The following RASA3 variants were observed in gnomAD, a reference collection of about 807,000 sequenced individuals.
RASA3 encodes the protein ras GTPase-activating protein 3.
A neutral mutation model predicts 110.0 loss-of-function variants in RASA3; 73 were observed. The observed-to-expected ratio is 0.66, with a 90% CI of 0.55 to 0.81. The LOEUF is 0.81. RASA3 is among the 30% of genes least tolerant of loss of function. The pLI is 0.00. For missense variants in RASA3, 976 were observed against 1,113.2 expected, an observed-to-expected ratio of 0.88 and a Z score of 1.75; for synonymous variants, 500 against 451.4, an observed-to-expected ratio of 1.11 and a Z score of -1.37.
chr13:114,020,782 C>G (rs2053909947), intron 9 of RASA3, among the ~76,000 whole-genome samples: 1 of 152,206 alleles, frequency 6.6e-6, no homozygotes, highest in Non-Finnish European at 1.5e-5. Flanking sequence ...CCACTGAGGT[C>G]TAGACGTGCA....
Position 114,000,819 on chromosome 13 carries a change from T to C in RASA3, c.1849+7A>G. On this transcript the variant is annotated splice_region_variant and intron_variant, in intron 19 of 23. Coordinates refer to ENST00000334062, the MANE Select transcript of RASA3 (RefSeq NM_007368.4). ...CAAGAGCCAGGGAAAGCGACCTTGC[T>C]CCTTACCTTTGCTTTTGTGGTAGGT... 1 of 1,593,130 alleles carries C rather than the reference T, an allele frequency of 6.3e-7. No individual in the cohort carries two copies. Among genetic ancestry groups the C allele is most frequent in the Non-Finnish European group, 8.6e-7 (1 of 1,161,060 alleles).
Position 114,114,854 on chromosome 13 carries a change from TC to T in RASA3, c.55+17580del, listed in dbSNP as rs2080257663. Among the ~76,000 whole-genome samples, 1 of 152,100 alleles carries T rather than the reference TC, an allele frequency of 6.6e-6. No homozygotes were observed. Among genetic ancestry groups the T allele is most frequent in the Non-Finnish European group, 1.5e-5 (1 of 68,000 alleles). ...GACCAACAGTGGAAAGACCCATAGC[TC>T]CCAGCTCCAGGGACGACGCGGGGGT... On this transcript the variant is annotated intron_variant, in intron 1 of 23. Coordinates refer to ENST00000334062, the MANE Select transcript of RASA3 (RefSeq NM_007368.4). This position sits in a 1 kb window ranked among gnomAD's most constrained non-coding sequence, Gnocchi z 4.8.
At chr13:114,009,291 C>T (rs1566471567) in intron 17 of RASA3, 96 bp downstream of exon 17, 1 of 1,014,858 alleles carries the variant, frequency 9.9e-7, no homozygotes, top group Non-Finnish European at 1.5e-6. Context: ...CGCTAATGGC[C>T]AAGTCTGTGT....
In RASA3 at chr13:114,114,337, T is replaced by G. The variant is rs528248922; in HGVS notation, c.55+18098A>C. Among the ~76,000 whole-genome samples the G allele has an allele frequency of 5.9e-5, 9 of 152,358 alleles. No individual in the cohort carries two copies. Among genetic ancestry groups the G allele is most frequent in the African/African-American group, 2.2e-4 (9 of 41,582 alleles). ...TCTGGATTTCCTGGGGTTTCCTTTA[T>G]TAGACTTGAGTCCAGAACTCCTCTA... On this transcript the variant is annotated intron_variant, in intron 1 of 23. Coordinates refer to ENST00000334062, the MANE Select transcript of RASA3 (RefSeq NM_007368.4). The surrounding 1 kb of genome is among the most constrained non-coding windows in gnomAD (Gnocchi z 4.8).
intron 8 of RASA3, 63 bp downstream of exon 8, chr13:114,024,216 A>G (rs761928511): frequency 2.8e-6 from 4 of 1,451,440 alleles, no homozygotes; most frequent in Non-Finnish European, 3.9e-6. Context: ...AACAAAGAAC[A>G]AAAGAGCTGA....
intron 4 of RASA3, among the ~76,000 whole-genome samples, chr13:114,034,747 G>GC (rs1463249253): frequency 1.2e-4 from 19 of 152,344 alleles, no homozygotes; most frequent in African/African-American, 4.6e-4. Context: ...ATCAGAGAAC[G>GC]CAAGACAAAT....
chr13:114,113,689 G>A, intron 1 of RASA3, among the ~76,000 whole-genome samples: 1 of 80,786 alleles, frequency 1.2e-5, no homozygotes, highest in African/African-American at 5.3e-5. Context: ...TGTCCGTACA[G>A]CTCACACCGC....
At chr13:114,064,836 A>G (rs1040585647) in intron 2 of RASA3, among the ~76,000 whole-genome samples, 3 of 152,078 alleles carry the variant, frequency 2.0e-5, no homozygotes, top group Non-Finnish European at 2.9e-5. Flanking sequence ...GCCCCCACTC[A>G]CCGCCCGAGG....
At position 114,065,020 on chromosome 13, in the gene RASA3, G is replaced by T. The variant is rs1351887572; in HGVS notation, c.173+8700C>A. The stretch of plus-strand genomic sequence containing the variant: ...AGTCATTTCTGGAAGAAGTGCAAAT[G>T]AAGTTTCACAGAATCAAGCAAACTT... On this transcript the variant is annotated intron_variant, in intron 2 of 23. Transcript: ENST00000334062. This position sits in a 1 kb window ranked among gnomAD's most constrained non-coding sequence, Gnocchi z 4.1. Among the ~76,000 whole-genome samples the T allele has an allele frequency of 1.3e-5, 2 of 152,232 alleles. No individual in the cohort carries two copies. Among genetic ancestry groups the T allele is most frequent in the South Asian group, 2.1e-4 (1 of 4,832 alleles).
intron 4 of RASA3, among the ~76,000 whole-genome samples, chr13:114,033,386 C>T (rs1306140435): frequency 7.1e-6 from 1 of 140,568 alleles, no homozygotes; most frequent in Admixed American, 7.1e-5. Context: ...ACACCACGTT[C>T]CATGGCACCC....
At position 113,978,964 on chromosome 13, in the gene RASA3, C is replaced by T. The variant is rs879443385; in HGVS notation, c.*383G>A. The stretch of plus-strand genomic sequence containing the variant: ...ACCGTGCACGCAAGACAGACGTGCA[C>T]GAGACTGACGCACACACGGCCGGAG... On this transcript the variant is annotated 3_prime_UTR_variant, in exon 24 of 24. Transcript: ENST00000334062. The T allele has an allele frequency of 1.8e-5, 5 of 278,856 alleles. No individual in the cohort carries two copies. Among genetic ancestry groups the T allele is most frequent in the African/African-American group, 4.4e-5 (2 of 45,862 alleles). The allele number at this position is 278,856 out of a possible 1,614,324, so 17.3% of individuals were successfully genotyped here.
At chr13:114,034,744 A>T (rs1192390976) in intron 4 of RASA3, among the ~76,000 whole-genome samples, 2 of 152,266 alleles carry the variant, frequency 1.3e-5, no homozygotes, top group African/African-American at 4.8e-5. Context: ...CAGATCAGAG[A>T]ACGCAAGACA....
At chr13:113,994,869 G>A (rs2053196693) in intron 21 of RASA3, among the ~76,000 whole-genome samples, 1 of 152,216 alleles carries the variant, frequency 6.6e-6, no homozygotes, top group African/African-American at 2.4e-5. Flanking sequence ...AGGTACCTGG[G>A]AGGCTGAGGT....
chr13:114,053,744 C>T lies in RASA3; in HGVS notation c.174-1589G>A, dbSNP rs138553067. ...GATGTCTTAGATCTGTCACCAAAAG[C>T]ACAAGTGCCAAAAGAAAAATAAATG... On this transcript the variant is annotated intron_variant, in intron 2 of 23. Transcript: ENST00000334062. Among the ~76,000 whole-genome samples, 696 of 152,346 alleles carry T rather than the reference C, an allele frequency of 4.6e-3. 2 individuals are homozygous for T. The highest frequency in any genetic ancestry group is 0.012 in the Admixed American group (185 of 15,302).
intron 3 of RASA3, among the ~76,000 whole-genome samples, chr13:114,043,501 C>T (rs764909658): frequency 7.2e-5 from 11 of 152,120 alleles, no homozygotes; most frequent in Admixed American, 1.3e-4. Context: ...TCCACAGCTA[C>T]CCGGACGTAG....
chr13:114,016,131 G>A (rs1477853192), intron 13 of RASA3, 66 bp downstream of exon 13: 2 of 1,408,648 alleles, frequency 1.4e-6, no homozygotes, highest in Admixed American at 1.7e-5. Context: ...AGAGCTTCCA[G>A]GCAGCCATCG....
In RASA3 at chr13:114,055,980, C is replaced by T. The variant is rs571223521; in HGVS notation, c.174-3825G>A. 4.9e-4 allele frequency among the ~76,000 whole-genome samples: 74 copies of T among 152,362 alleles called. 1 individual carries two copies. The highest frequency in any genetic ancestry group is 2.1e-4 in the South Asian group (1 of 4,824). On this transcript the variant is annotated intron_variant, in intron 2 of 23. Coordinates refer to ENST00000334062, the MANE Select transcript of RASA3 (RefSeq NM_007368.4). ...CCAAGCTGCCAGAGAATGGAACGGA[C>T]GCCCTCCATTGGCACAAACTCCAGC...
At chr13:113,981,438 C>T (rs575221718) in intron 23 of RASA3, among the ~76,000 whole-genome samples, 9 of 152,294 alleles carry the variant, frequency 5.9e-5, no homozygotes, top group South Asian at 2.1e-4. Context: ...GCAGCCCGGA[C>T]GCTGGCTGGG....
intron 1 of RASA3, among the ~76,000 whole-genome samples, chr13:114,097,047 TG>T (rs1356508298): frequency 6.6e-6 from 1 of 152,188 alleles, no homozygotes; most frequent in East Asian, 1.9e-4. Flanking sequence ...TGAGTGTTCA[TG>T]GCGTCACAGT....
Sources: allele counts gnomAD v4.1 joint callset (sites outside exome capture counted in the v4.1 genomes callset), GRCh38; gene constraint gnomAD v4.1.1; non-coding constraint Gnocchi (gnomAD v3.1); transcripts MANE v1.5; gene names NCBI Gene and HGNC (gene_info 2026-07-23, HGNC 2026-07-21).